The following STXBP5L variants were observed in gnomAD, a reference collection of about 807,000 sequenced individuals.
STXBP5L encodes syntaxin binding protein 5L.
In STXBP5L, 65 loss-of-function variants were observed where a neutral mutation model predicts 144.5. That is an observed-to-expected ratio of 0.45 (90% confidence interval 0.37 to 0.55). The LOEUF is 0.55. STXBP5L is among the 20% of genes least tolerant of loss of function. The probability of loss-of-function intolerance (pLI) is 0.00; values close to 1 mark genes in which losing one functional copy is unlikely to be tolerated. For synonymous variants in STXBP5L, 505 were observed against 469.6 expected (o/e 1.08, Z -0.97); for missense variants, 1,298 against 1,405.5 (o/e 0.92, Z 1.22).
chr3:121,395,962 A>G (rs1456650233), intron 22 of STXBP5L, among the ~76,000 whole-genome samples: 1 of 152,234 alleles, frequency 6.6e-6, no homozygotes, highest in Non-Finnish European at 1.5e-5. Context: ...CTTATGAAAA[A>G]GTTTCAGGTG....
chr3:120,976,598 G>A (rs1360956390), intron 3 of STXBP5L, among the ~76,000 whole-genome samples: 1 of 151,980 alleles, frequency 6.6e-6, no homozygotes, highest in Non-Finnish European at 1.5e-5. Context: ...TTTTGAATGT[G>A]TTTGCTCTTG....
chr3:121,013,416 G>C (rs767607507), intron 3 of STXBP5L, among the ~76,000 whole-genome samples: 1 of 151,916 alleles, frequency 6.6e-6, no homozygotes, highest in Admixed American at 6.6e-5. Flanking sequence ...ATCATATTGT[G>C]GTTTTAATTT....
chr3:121,145,692 T>C (rs886195818), intron 7 of STXBP5L, among the ~76,000 whole-genome samples: 1 of 151,998 alleles, frequency 6.6e-6, no homozygotes, highest in African/African-American at 2.4e-5. Flanking sequence ...GTGTAATATA[T>C]TGAGAATTAT....
chr3:121,009,565 T>C (rs1382219676), intron 3 of STXBP5L, among the ~76,000 whole-genome samples: 1 of 151,990 alleles, frequency 6.6e-6, no homozygotes, highest in Non-Finnish European at 1.5e-5. Flanking sequence ...GACCCATTTA[T>C]TTAAAAAGCG....
At chr3:121,340,045 A>T (rs1018056519) in intron 20 of STXBP5L, among the ~76,000 whole-genome samples, 2 of 152,006 alleles carry the variant, frequency 1.3e-5, no homozygotes, top group Admixed American at 6.6e-5. Context: ...ACAAAATTAG[A>T]AAAAAAATCC....
At chr3:120,929,441 A>T (rs1709807578) in intron 2 of STXBP5L, among the ~76,000 whole-genome samples, 1 of 152,154 alleles carries the variant, frequency 6.6e-6, no homozygotes. Flanking sequence ...TTCACTTAAC[A>T]TTAGAATATA....
intron 5 of STXBP5L, among the ~76,000 whole-genome samples, chr3:121,104,010 G>A (rs534364566): frequency 1.3e-4 from 20 of 152,272 alleles, no homozygotes; most frequent in African/African-American, 4.3e-4. Flanking sequence ...AGGACTATGA[G>A]TGTGTCAGAT....
chr3:121,371,076 A>G (rs1279835897), intron 20 of STXBP5L, among the ~76,000 whole-genome samples: 2 of 152,238 alleles, frequency 1.3e-5, no homozygotes, highest in Non-Finnish European at 2.9e-5. Context: ...GGAGGAAAGA[A>G]GACACTGGCT....
At chr3:121,241,376 TAC>T (rs4048752) in intron 14 of STXBP5L, among the ~76,000 whole-genome samples, 1,881 of 146,802 alleles carry the variant, frequency 0.013, 15 homozygotes, top group Middle Eastern at 0.025. Context: ...CACACACACA[TAC>T]ACACACACAC....
intron 5 of STXBP5L, among the ~76,000 whole-genome samples, chr3:121,089,060 T>C: frequency 1.1e-5 from 1 of 93,836 alleles, no homozygotes; most frequent in Non-Finnish European, 1.9e-5. Flanking sequence ...ACCTGCACAA[T>C]GTGCACATGT....
chr3:121,387,926 C>G (rs980471652), intron 22 of STXBP5L, among the ~76,000 whole-genome samples: 1 of 151,986 alleles, frequency 6.6e-6, no homozygotes, highest in African/African-American at 2.4e-5. Context: ...TAGTTTTTTC[C>G]AATTCTGTGA....
chr3:121,094,620 G>A (rs1187476973), intron 5 of STXBP5L, among the ~76,000 whole-genome samples: 1 of 151,910 alleles, frequency 6.6e-6, no homozygotes, highest in African/African-American at 2.4e-5. Context: ...TTTTCCATTT[G>A]CTTGGTAGAT....
At chr3:121,261,955 C>T (rs2050396128) in intron 18 of STXBP5L, among the ~76,000 whole-genome samples, 1 of 152,174 alleles carries the variant, frequency 6.6e-6, no homozygotes, top group South Asian at 2.1e-4. Flanking sequence ...AAATCAAGGT[C>T]TCAGGAGATT....
At chr3:121,068,342 A>C (rs947775981) in intron 5 of STXBP5L, among the ~76,000 whole-genome samples, 13 of 152,222 alleles carry the variant, frequency 8.5e-5, no homozygotes, top group Non-Finnish European at 1.8e-4. Flanking sequence ...CCTAACATTT[A>C]ATATAATTTA....
intron 19 of STXBP5L, among the ~76,000 whole-genome samples, chr3:121,285,589 A>G (rs2051204297): frequency 6.6e-6 from 1 of 152,092 alleles, no homozygotes; most frequent in Non-Finnish European, 1.5e-5. Context: ...CACATCATAG[A>G]ATAATAAAAT....
intron 3 of STXBP5L, among the ~76,000 whole-genome samples, chr3:120,969,792 C>G (rs150477257): frequency 1.3e-5 from 2 of 151,790 alleles, no homozygotes; most frequent in East Asian, 3.9e-4. Flanking sequence ...AGACTTTTGT[C>G]CACTTACCTT....
intron 5 of STXBP5L, among the ~76,000 whole-genome samples, chr3:121,094,335 T>C (rs1160807273): frequency 1.3e-5 from 2 of 152,130 alleles, no homozygotes; most frequent in Non-Finnish European, 2.9e-5. Context: ...CTTGTCGACT[T>C]TCTGTCTCGT....
intron 5 of STXBP5L, 151 bp downstream of exon 5, chr3:121,045,686 T>C (rs1340414501): frequency 7.0e-6 from 5 of 716,522 alleles, no homozygotes; most frequent in African/African-American, 1.8e-5. Flanking sequence ...TTTTCTTTTT[T>C]GTAGAAAATG....
intron 18 of STXBP5L, among the ~76,000 whole-genome samples, chr3:121,259,687 C>A (rs1462464998): frequency 6.6e-6 from 1 of 151,878 alleles, no homozygotes. Flanking sequence ...AAATGTGTTA[C>A]TTTAAATATG....
Sources: allele counts gnomAD v4.1 joint callset (sites outside exome capture counted in the v4.1 genomes callset), GRCh38; gene constraint gnomAD v4.1.1; transcripts MANE v1.5; gene names NCBI Gene and HGNC (gene_info 2026-07-23, HGNC 2026-07-21).